The following ZFX variants were observed in gnomAD, a reference collection of about 807,000 sequenced individuals.
ZFX encodes the protein zinc finger protein X-linked.
For synonymous variants in ZFX, 196 were observed against 226.8 expected, an observed-to-expected ratio of 0.86 and a Z score of 1.22; for missense variants, 362 against 628.3, an observed-to-expected ratio of 0.58 and a Z score of 4.53.
chrX:24,208,285 A>G lies in ZFX; in HGVS notation c.1008A>G (p.Ala336=), dbSNP rs1285340126. 5.0e-6 allele frequency: 6 copies of G among 1,208,396 alleles called. No homozygotes were observed. In the African/African-American group the frequency reaches 6.9e-5, roughly 14 times the overall value. ...TAGGAGAGGAGGATGCTGCAGCAGC[A>G]GCGGCAGCCGCCGCCGTGCACGAGC... ...VIVGEEDAAA[A]AAAAAVHEQQ... is the part of the protein sequence containing the mutation. The change falls in exon 8 of 10, where the codon GCA becomes GCG. Residue 336 remains alanine (A), a synonymous_variant. Transcript: ENST00000304543.
chrX:24,169,244 A>G (rs1934325054), intron 3 of ZFX, among the ~76,000 whole-genome samples: 1 of 111,720 alleles, frequency 9.0e-6, no homozygotes, highest in African/African-American at 3.3e-5. Context: ...ACCCCCATGT[A>G]GGCCAGAATA....
intron 5 of ZFX, among the ~76,000 whole-genome samples, chrX:24,188,783 G>A (rs1044814028): frequency 7.2e-5 from 8 of 111,822 alleles, no homozygotes; most frequent in African/African-American, 1.6e-4. Context: ...AGTACATTTC[G>A]GAAGGTTATT....
intron 4 of ZFX, among the ~76,000 whole-genome samples, chrX:24,176,006 G>A (rs1472207376): frequency 1.8e-5 from 2 of 109,721 alleles, no homozygotes; most frequent in African/African-American, 6.6e-5. Flanking sequence ...AAAGCATTTT[G>A]TAGAAATTCT....
At chrX:24,164,557 T>G (rs1933806823) in intron 3 of ZFX, among the ~76,000 whole-genome samples, 1 of 111,582 alleles carries the variant, frequency 9.0e-6, no homozygotes, top group Non-Finnish European at 1.9e-5. Flanking sequence ...TATAGTATGG[T>G]CAATATGGGT....
chrX:24,207,202 A>G (rs781660283), intron 5 of ZFX, 124 bp from the exon 6 acceptor site: 6 of 694,867 alleles, frequency 8.6e-6, no homozygotes, highest in Non-Finnish European at 1.3e-5. Context: ...GCGCCACTGC[A>G]CTCCAGCCTG....
chrX:24,192,893 CAAAAAA>C (rs759166413), intron 5 of ZFX, among the ~76,000 whole-genome samples: 1 of 48,526 alleles, frequency 2.1e-5, no homozygotes, highest in Non-Finnish European at 4.3e-5. Context: ...GACCCTGTCT[CAAAAAA>C]AAAAAAAAAA....
At chrX:24,196,906 T>G (rs7054813) in intron 5 of ZFX, among the ~76,000 whole-genome samples, 1,984 of 112,622 alleles carry the variant, frequency 0.018, 33 homozygotes, top group African/African-American at 0.053. Flanking sequence ...TAGGTTGGTT[T>G]GTTTGTTTGT....
In ZFX at chrX:24,213,569, G is replaced by T. The variant is rs930373357; in HGVS notation, c.*2193G>T. 1.3e-4 allele frequency: 14 copies of T among 110,976 alleles called. No homozygotes were observed. The highest frequency in any genetic ancestry group is 4.3e-4 in the African/African-American group (13 of 30,420). 9.1% of individuals were successfully genotyped at this position (110,976 alleles called of 1,213,427 possible). ...GATTTAGTCTAGTTTTAAACCAAGT[G>T]CTTTAGGCAGGTGTGAACTCCAGCC... On this transcript the variant is annotated 3_prime_UTR_variant, in exon 10 of 10. Transcript: ENST00000304543.
intron 5 of ZFX, among the ~76,000 whole-genome samples, chrX:24,204,702 T>G (rs1937515684): frequency 8.9e-6 from 1 of 112,143 alleles, no homozygotes; most frequent in African/African-American, 3.2e-5. Flanking sequence ...ATTCCAGAAG[T>G]TGACGAGCCC....
Position 24,210,722 on chromosome X carries a change from T to C in ZFX, c.1764T>C (p.Ser588=), listed in dbSNP as rs1321625120. 1 of 1,209,671 alleles carries C rather than the reference T, an allele frequency of 8.3e-7. No homozygotes were observed. Among genetic ancestry groups the C allele is most frequent in the Non-Finnish European group, 1.1e-6 (1 of 895,229 alleles). ...CQYCEYRSAD[S]SNLKTHVKTK... ...ACTGCGAATATAGGTCTGCAGACTC[T>C]TCTAACTTGAAAACGCATGTCAAAA... Residue 588 remains serine (S), a synonymous_variant, in exon 10 of 10, where the codon TCT becomes TCC. Coordinates refer to ENST00000304543, the MANE Select transcript of ZFX (RefSeq NM_003410.4).
chrX:24,156,086 G>A (rs1932771587), intron 3 of ZFX, among the ~76,000 whole-genome samples: 1 of 111,240 alleles, frequency 9.0e-6, no homozygotes, highest in South Asian at 3.7e-4. Flanking sequence ...AAGTAGAGAC[G>A]GGGTTTCACC....
chrX:24,187,240 G>C (rs1260420498), intron 5 of ZFX, among the ~76,000 whole-genome samples: 1 of 111,446 alleles, frequency 9.0e-6, no homozygotes, highest in Non-Finnish European at 1.9e-5. Context: ...AGCAGCATTA[G>C]GGTGAGGCTT....
In ZFX at chrX:24,212,688, G is replaced by C. The variant is rs1414301405; in HGVS notation, c.*1312G>C. On this transcript the variant is annotated 3_prime_UTR_variant, in exon 10 of 10. Coordinates refer to ENST00000304543, the MANE Select transcript of ZFX (RefSeq NM_003410.4). ...AAAGAAGTGATGGCTCTGTGGACCA[G>C]AGAACGGGTGCTAATTATGACTTCA... 1 of 112,097 alleles carries C rather than the reference G, an allele frequency of 8.9e-6. No homozygotes were observed. Among genetic ancestry groups the C allele is most frequent in the Admixed American group, 9.5e-5 (1 of 10,489 alleles). 9.2% of individuals were successfully genotyped at this position (112,097 alleles called of 1,213,427 possible).
intron 5 of ZFX, among the ~76,000 whole-genome samples, chrX:24,182,856 G>A (rs1219383032): frequency 2.7e-5 from 3 of 111,688 alleles, no homozygotes; most frequent in South Asian, 3.7e-4. Flanking sequence ...AGGGACTGGG[G>A]TCCAGGGCTG....
chrX:24,190,349 C>G, intron 5 of ZFX, among the ~76,000 whole-genome samples: 1 of 111,943 alleles, frequency 8.9e-6, no homozygotes, highest in Non-Finnish European at 1.9e-5. Flanking sequence ...TTTAATCCAT[C>G]TAAAATTGTA....
rs1938187995 is a variant in ZFX, at chrX:24,212,799, A to AAAGGT, written c.*1426_*1430dup. On this transcript the variant is annotated 3_prime_UTR_variant, in exon 10 of 10. Transcript: ENST00000304543. Reference sequence around the variant, plus strand: ...TTAACACTCAAGTTGGCTTTGATTAAAAGGTAAAGATGTGTTTTAAGTGGA... The same window carrying AAAGGT: ...TTAACACTCAAGTTGGCTTTGATTAAAAGGTAAGGTAAAGATGTGTTTTAAGTGGA... The AAAGGT allele has an allele frequency of 8.9e-6, 1 of 112,972 alleles. No homozygotes were observed. The highest frequency in any genetic ancestry group is 1.9e-5 in the Non-Finnish European group (1 of 53,328). 9.3% of individuals were successfully genotyped at this position (112,972 alleles called of 1,213,427 possible).
rs181357733 is a variant in ZFX, at chrX:24,171,621, C to A, written c.-28-1094C>A. ...AATAAGCATGTAGTACTTATAAAATCAGCAAAAAAAAGCGGTAAAGGTGAA... is the reference window on the plus strand; with the variant it reads ...AATAAGCATGTAGTACTTATAAAATAAGCAAAAAAAAGCGGTAAAGGTGAA... On this transcript the variant is annotated intron_variant, in intron 3 of 9. Transcript: ENST00000304543. Among the ~76,000 whole-genome samples, 20 of 111,099 alleles carry A rather than the reference C, an allele frequency of 1.8e-4. No individual in the cohort carries two copies. In the East Asian group the frequency reaches 5.6e-3, roughly 31 times the overall value.
At position 24,155,957 on chromosome X, in the gene ZFX, C is replaced by T. The variant is rs757852336; in HGVS notation, c.-29+3127C>T. Among the ~76,000 whole-genome samples the T allele has an allele frequency of 3.1e-3, 351 of 112,094 alleles. 3 individuals carry two copies. Among genetic ancestry groups the T allele is most frequent in the Non-Finnish European group, 4.7e-3 (251 of 53,204 alleles). On this transcript the variant is annotated intron_variant, in intron 3 of 9. Coordinates refer to ENST00000304543, the MANE Select transcript of ZFX (RefSeq NM_003410.4). The stretch of plus-strand genomic sequence containing the variant: ...TTGCCCAGGCTGGAGTGCAGTGGCA[C>T]GTGGTCTGGGCTCACTGTAGCCTCT...
intron 5 of ZFX, among the ~76,000 whole-genome samples, chrX:24,203,013 G>C (rs1937399912): frequency 8.9e-6 from 1 of 112,017 alleles, no homozygotes. Flanking sequence ...GACAATCACT[G>C]GTTCTTAGGG....
Sources: gnomAD v4.1 joint callset for allele counts (sites outside exome capture counted in the v4.1 genomes callset) on GRCh38, gnomAD v4.1.1 for gene constraint, MANE v1.5 for transcripts, NCBI Gene and HGNC (gene_info 2026-07-23, HGNC 2026-07-21) for gene names.